The following SAT2 variants were observed in gnomAD, a reference collection of about 807,000 sequenced individuals.
SAT2 encodes the protein thialysine N-epsilon-acetyltransferase.
In SAT2, 19 loss-of-function variants were observed where a neutral mutation model predicts 24.8. The ratio of observed to expected loss-of-function variants is 0.77; its 90% CI spans 0.53 to 1.12. The LOEUF (loss-of-function observed/expected upper bound fraction) is 1.12. Among genes scored for constraint, SAT2 ranks in the 50% most tolerant of loss-of-function variants. The probability of loss-of-function intolerance (pLI) is 0.00; values close to 1 mark genes in which losing one functional copy is unlikely to be tolerated. For missense variants in SAT2, 190 were observed against 210.7 expected (o/e 0.90, Z 0.61); for synonymous variants, 77 against 77.4 (o/e 0.99, Z 0.03).
At position 7,627,141 on chromosome 17, in the gene SAT2, A is replaced by G. The variant is rs1288536610; in HGVS notation, c.202+2T>C. The G allele has an allele frequency of 6.2e-7, 1 of 1,613,950 alleles. No individual in the cohort carries two copies. The highest frequency in any genetic ancestry group is 8.5e-7 in the Non-Finnish European group (1 of 1,179,992). On this transcript the variant is annotated splice_donor_variant, in intron 3 of 5. Coordinates refer to ENST00000269298, the MANE Select transcript of SAT2 (RefSeq NM_133491.5). LOFTEE classifies it high-confidence loss of function. The surrounding 1 kb of genome is among the most constrained non-coding windows in gnomAD (Gnocchi z 4.8). ...GGACTTCTAAGGGCCAGGTGCTCTT[A>G]CCCAGTAGCTTCCCGGGCGCTGGAA...
At position 7,626,781 on chromosome 17, in the gene SAT2, C is replaced by G; in HGVS notation, c.317G>C (p.Gly106Ala). ...AGCCACCTTTTTGATTATTTTGGAA[C>G]CAATCCCTTGACCTGTTGTGGAGAG... ...VMPEYRGQGIGSKIIKKVAEV... is the reference protein window; with the variant it reads ...VMPEYRGQGIASKIIKKVAEV... Residue 106 changes from glycine (G) to alanine (A), a missense_variant, in exon 5 of 6, where the codon GGT becomes GCT. Gly to Ala is a moderately conservative substitution (Grantham distance 60). Coordinates refer to ENST00000269298, the MANE Select transcript of SAT2 (RefSeq NM_133491.5). The G allele has an allele frequency of 6.2e-7, 1 of 1,614,110 alleles. No homozygotes were observed. The highest frequency in any genetic ancestry group is 8.5e-7 in the Non-Finnish European group (1 of 1,180,014).
In SAT2 at chr17:7,627,748, G is replaced by T; in HGVS notation, c.-113C>A. ...AGAGCCTGAGAGAGCGGGGTGGCGG[G>T]AGTCGGGGGGGACGGCGGGGTAGCC... On this transcript the variant is annotated 5_prime_UTR_variant, in exon 1 of 6. Transcript: ENST00000269298. The surrounding 1 kb of genome is among the most constrained non-coding windows in gnomAD (Gnocchi z 4.8). 2.5e-6 allele frequency: 3 copies of T among 1,214,000 alleles called. No homozygotes were observed. Among genetic ancestry groups the T allele is most frequent in the African/African-American group, 1.5e-5 (1 of 66,172 alleles). The allele number at this position is 1,214,000 out of a possible 1,614,324, so 75.2% of individuals were successfully genotyped here. A position where few individuals can be genotyped will look rare whatever the true frequency, so the allele number is the denominator to read the frequency against.
In SAT2 at chr17:7,626,713, T is replaced by A. The variant is rs369574746; in HGVS notation, c.345+40A>T. On this transcript the variant is annotated intron_variant, in intron 5 of 5. Transcript: ENST00000269298. ...GGGTCCCCCCTCCATATACCCTTGC[T>A]TCTTCAGGTCCTCACTTGTCGCCCC... 61 of 1,613,986 alleles carry A rather than the reference T, an allele frequency of 3.8e-5. No homozygotes were observed. In the African/African-American group the frequency reaches 6.8e-4, roughly 18 times the overall value.
At chr17:7,626,692 C>T in intron 5 of SAT2, 61 bp downstream of exon 5, 2 of 1,611,894 alleles carry the variant, frequency 1.2e-6, no homozygotes, top group Non-Finnish European at 1.7e-6. Flanking sequence ...CAACCCGGGT[C>T]CCCCCTCCAT....
In SAT2 at chr17:7,626,558, C is replaced by G; in HGVS notation, c.402G>C (p.Gln134His). 2 of 1,614,240 alleles carry G rather than the reference C, an allele frequency of 1.2e-6. No homozygotes were observed. Among genetic ancestry groups the G allele is most frequent in the Middle Eastern group, 1.6e-4 (1 of 6,062 alleles). Residue 134 changes from glutamine (Q) to histidine (H), a missense_variant, in exon 6 of 6, where the codon CAG becomes CAC. Transcript: ENST00000269298. ...QFRLAVLDWNQRAMDLYKALG... is the reference protein window; with the variant it reads ...QFRLAVLDWNHRAMDLYKALG... Reference sequence around the variant, plus strand: ...GGGCCTTGTACAAGTCCATGGCCCTCTGGTTCCAGTCCAGGACGGCCAGGC... The same window carrying G: ...GGGCCTTGTACAAGTCCATGGCCCTGTGGTTCCAGTCCAGGACGGCCAGGC...
intron 4 of SAT2, 25 bp downstream of exon 4, chr17:7,626,918 C>G (rs760117248): frequency 6.2e-7 from 1 of 1,610,340 alleles, no homozygotes; most frequent in South Asian, 1.1e-5. Flanking sequence ...TTGCTCCCAC[C>G]CCAGCCTCAG....
chr17:7,626,363 AGT>A lies in SAT2; in HGVS notation c.*82_*83del. ...CTTCCTCCAGGGAGGCCTCAGCATCAGTGTCTGTGGACGTAGTCTCTGAAGAG... is the reference window on the plus strand; with the variant it reads ...CTTCCTCCAGGGAGGCCTCAGCATCAGTCTGTGGACGTAGTCTCTGAAGAG... On this transcript the variant is annotated 3_prime_UTR_variant, in exon 6 of 6. Coordinates refer to ENST00000269298, the MANE Select transcript of SAT2 (RefSeq NM_133491.5). 6.7e-7 allele frequency: 1 copy of A among 1,486,746 alleles called. No homozygotes were observed. The highest frequency in any genetic ancestry group is 9.2e-7 in the Non-Finnish European group (1 of 1,085,890). 92.1% of individuals were successfully genotyped at this position (1,486,746 alleles called of 1,614,324 possible). A position where few individuals can be genotyped will look rare whatever the true frequency, so the allele number is the denominator to read the frequency against.
rs553099837 is a variant in SAT2 at position 7,626,848 on chromosome 17, A to C, written c.305-55T>G. On this transcript the variant is annotated intron_variant, in intron 4 of 5. Transcript: ENST00000269298. ...GCTATTGTTTGAGCTGAAGGGGATC[A>C]GAAAATGACACCGGCTGGGCTCTGG... 3 of 1,609,192 alleles carry C rather than the reference A, an allele frequency of 1.9e-6. No homozygotes were observed. In the East Asian group the frequency reaches 6.7e-5, roughly 36 times the overall value.
chr17:7,626,552 G>C lies in SAT2; in HGVS notation c.408C>G (p.Ala136=). ...CTCCTAGGGCCTTGTACAAGTCCAT[G>C]GCCCTCTGGTTCCAGTCCAGGACGG... ...RLAVLDWNQR[A]MDLYKALGAQ... Residue 136 remains alanine (A), a synonymous_variant, in exon 6 of 6, where the codon GCC becomes GCG. Transcript: ENST00000269298. 1 of 1,614,162 alleles carries C rather than the reference G, an allele frequency of 6.2e-7. No homozygotes were observed. Among genetic ancestry groups the C allele is most frequent in the East Asian group, 2.2e-5 (1 of 44,884 alleles).
chr17:7,626,253 T>C lies in SAT2; in HGVS notation c.*194A>G. On this transcript the variant is annotated 3_prime_UTR_variant, in exon 6 of 6. Coordinates refer to ENST00000269298, the MANE Select transcript of SAT2 (RefSeq NM_133491.5). The stretch of plus-strand genomic sequence containing the variant: ...ACCACATCAGGACATGTAATTCTTA[T>C]TTATTTTTCACCCTCAACAAGGAAG... The C allele has an allele frequency of 1.7e-6, 1 of 597,164 alleles. No homozygotes were observed. The highest frequency in any genetic ancestry group is 2.9e-6 in the Non-Finnish European group (1 of 339,102). The allele number at this position is 597,164 out of a possible 1,614,324, so 37.0% of individuals were successfully genotyped here. A position where few individuals can be genotyped will look rare whatever the true frequency, so the allele number is the denominator to read the frequency against.
chr17:7,626,359 C>T lies in SAT2; in HGVS notation c.*88G>A. Reference sequence around the variant, plus strand: ...CCTCCTTCCTCCAGGGAGGCCTCAGCATCAGTGTCTGTGGACGTAGTCTCT... The same window carrying T: ...CCTCCTTCCTCCAGGGAGGCCTCAGTATCAGTGTCTGTGGACGTAGTCTCT... On this transcript the variant is annotated 3_prime_UTR_variant, in exon 6 of 6. Transcript: ENST00000269298. 6.8e-7 allele frequency: 1 copy of T among 1,468,890 alleles called. No homozygotes were observed. Among genetic ancestry groups the T allele is most frequent in the Non-Finnish European group, 9.3e-7 (1 of 1,071,056 alleles). The allele number at this position is 1,468,890 out of a possible 1,614,324, so 91.0% of individuals were successfully genotyped here.
chr17:7,626,386 A>T lies in SAT2; in HGVS notation c.*61T>A. The T allele has an allele frequency of 6.3e-7, 1 of 1,585,700 alleles. No individual in the cohort carries two copies. Among genetic ancestry groups the T allele is most frequent in the Non-Finnish European group, 8.6e-7 (1 of 1,161,438 alleles). Reference sequence around the variant, plus strand: ...TCAGTGTCTGTGGACGTAGTCTCTGAAGAGTGCTTCAGCTGATGGGGAAGG... The same window carrying T: ...TCAGTGTCTGTGGACGTAGTCTCTGTAGAGTGCTTCAGCTGATGGGGAAGG... On this transcript the variant is annotated 3_prime_UTR_variant, in exon 6 of 6. Transcript: ENST00000269298.
At chr17:7,627,828 C>A, upstream of SAT2, 1 of 678,008 alleles carries the variant, frequency 1.5e-6, no homozygotes, top group Non-Finnish European at 2.7e-6. This position sits in a 1 kb window ranked among gnomAD's most constrained non-coding sequence, Gnocchi z 4.8. Flanking sequence ...AGAGAGTAGG[C>A]CAGCGAGGCG....
Position 7,627,358 on chromosome 17 carries a change from C to T in SAT2, c.118+5G>A. On this transcript the variant is annotated splice_donor_5th_base_variant and intron_variant, in intron 2 of 5. Coordinates refer to ENST00000269298, the MANE Select transcript of SAT2 (RefSeq NM_133491.5). The surrounding 1 kb of genome is among the most constrained non-coding windows in gnomAD (Gnocchi z 4.8). ...TCCGCCAGAACCTGGGCGCTGAGCCCCCACCTTCTTCACTGATCTTCACCT... is the reference window on the plus strand; with the variant it reads ...TCCGCCAGAACCTGGGCGCTGAGCCTCCACCTTCTTCACTGATCTTCACCT... The T allele has an allele frequency of 6.2e-7, 1 of 1,614,170 alleles. No individual in the cohort carries two copies. Among genetic ancestry groups the T allele is most frequent in the Non-Finnish European group, 8.5e-7 (1 of 1,180,032 alleles).
At position 7,626,934 on chromosome 17, in the gene SAT2, G is replaced by T. The variant is rs755484048; in HGVS notation, c.304+9C>A. 21 of 1,612,742 alleles carry T rather than the reference G, an allele frequency of 1.3e-5. No individual in the cohort carries two copies. Among genetic ancestry groups the T allele is most frequent in the Non-Finnish European group, 1.4e-5 (17 of 1,178,862 alleles). On this transcript the variant is annotated intron_variant, in intron 4 of 5. Transcript: ENST00000269298. Reference sequence around the variant, plus strand: ...TGCTCCCACCCCAGCCTCAGCTTCTGCCCAGTACCCCGATATTCCGGCATC... The same window carrying T: ...TGCTCCCACCCCAGCCTCAGCTTCTTCCCAGTACCCCGATATTCCGGCATC...
chr17:7,627,837 C>A (rs1257763437), upstream of SAT2: 1 of 665,880 alleles, frequency 1.5e-6, no homozygotes. This position sits in a 1 kb window ranked among gnomAD's most constrained non-coding sequence, Gnocchi z 4.8. Context: ...GCCAGCGAGG[C>A]GATCCTCTGT....
In SAT2 at chr17:7,627,102, C is replaced by G. The variant is rs2072235896; in HGVS notation, c.202+41G>C. Reference sequence around the variant, plus strand: ...GAAGCCTGTGGGGAGACCTCTGAGGCCGGCTGGAGAGGTGGACTTCTAAGG... The same window carrying G: ...GAAGCCTGTGGGGAGACCTCTGAGGGCGGCTGGAGAGGTGGACTTCTAAGG... On this transcript the variant is annotated intron_variant, in intron 3 of 5. Coordinates refer to ENST00000269298, the MANE Select transcript of SAT2 (RefSeq NM_133491.5). This position sits in a 1 kb window ranked among gnomAD's most constrained non-coding sequence, Gnocchi z 4.8. The G allele has an allele frequency of 6.2e-7, 1 of 1,613,346 alleles. No individual in the cohort carries two copies. The highest frequency in any genetic ancestry group is 8.5e-7 in the Non-Finnish European group (1 of 1,179,326).
chr17:7,627,065 G>A lies in SAT2; in HGVS notation c.203-21C>T. 2 of 1,612,706 alleles carry A rather than the reference G, an allele frequency of 1.2e-6. No homozygotes were observed. The highest frequency in any genetic ancestry group is 1.7e-6 in the Non-Finnish European group (2 of 1,178,730). On this transcript the variant is annotated intron_variant, in intron 3 of 5. Transcript: ENST00000269298. The surrounding 1 kb of genome is among the most constrained non-coding windows in gnomAD (Gnocchi z 4.8). ...GGGCCCTGAGAGAGAGAAAAGGGGA[G>A]TAAGGCTTCTGGAAGCCTGTGGGGA...
chr17:7,627,042 G>C lies in SAT2; in HGVS notation c.205C>G (p.Pro69Ala), dbSNP rs2072233694. 1 of 1,613,840 alleles carries C rather than the reference G, an allele frequency of 6.2e-7. No individual in the cohort carries two copies. Among genetic ancestry groups the C allele is most frequent in the Non-Finnish European group, 8.5e-7 (1 of 1,179,808 alleles). The change falls in exon 4 of 6, where the codon CCC becomes GCC. Residue 69 changes from proline (P) to alanine (A), a missense_variant and splice_region_variant. By Grantham distance (27) the Pro-to-Ala change is conservative. Coordinates refer to ENST00000269298, the MANE Select transcript of SAT2 (RefSeq NM_133491.5). This position sits in a 1 kb window ranked among gnomAD's most constrained non-coding sequence, Gnocchi z 4.8. ...TATATCCCATAGCCCACCACGCAGGGCCCTGAGAGAGAGAAAAGGGGAGTA... is the reference window on the plus strand; with the variant it reads ...TATATCCCATAGCCCACCACGCAGGCCCCTGAGAGAGAGAAAAGGGGAGTA... Reference protein sequence around the residue: ...ILPAPGKLLGPCVVGYGIYYF... With the variant: ...ILPAPGKLLGACVVGYGIYYF...
Sources: gnomAD v4.1 joint callset for allele counts on GRCh38, gnomAD v4.1.1 for gene constraint, Gnocchi (gnomAD v3.1) non-coding constraint, MANE v1.5 for transcripts, NCBI Gene and HGNC (gene_info 2026-07-23, HGNC 2026-07-21) for gene names.